PHACTR1: variants seen among roughly 807,000 people sequenced by gnomAD.
PHACTR1 encodes RPEL repeat containing 1.
Under a neutral mutation model 69.2 loss-of-function variants are expected in PHACTR1, and 16 were observed. The observed-to-expected ratio is 0.23, with a 90% CI of 0.16 to 0.35. The LOEUF (loss-of-function observed/expected upper bound fraction) is 0.35. Ranked by LOEUF, PHACTR1 falls within the 10% of genes least tolerant of loss-of-function variation. The pLI, the probability that PHACTR1 is intolerant of heterozygous loss-of-function variation, is 1.00. For synonymous variants in PHACTR1, 312 were observed against 284.5 expected (o/e 1.10, Z -0.97); for missense variants, 510 against 734.7 (o/e 0.69, Z 3.54).
intron 4 of PHACTR1, among the ~76,000 whole-genome samples, chr6:13,026,517 G>A (rs1453667131): frequency 1.3e-5 from 2 of 152,092 alleles, no homozygotes; most frequent in Admixed American, 6.6e-5. Context: ...AAAAACACAG[G>A]GAGTCTTGTG....
intron 10 of PHACTR1, among the ~76,000 whole-genome samples, chr6:13,234,909 A>T (rs1771756195): frequency 6.6e-6 from 1 of 152,184 alleles, no homozygotes; most frequent in South Asian, 2.1e-4. Context: ...GTGGTGAATG[A>T]TGCCATCCAC....
In PHACTR1 at chr6:13,275,969, C is replaced by G. The variant is rs1485346403; in HGVS notation, c.1448-2299C>G. The stretch of plus-strand genomic sequence containing the variant: ...GACTAGTTTAATAGGTTTTATCCCA[C>G]TGAAATTTGCATTTGTACAAATGTC... On this transcript the variant is annotated intron_variant, in intron 11 of 14. Transcript: ENST00000332995. This position sits in a 1 kb window ranked among gnomAD's most constrained non-coding sequence, Gnocchi z 4.0. 2 of 152,184 alleles carry G rather than the reference C, an allele frequency of 1.3e-5. No homozygotes were observed. Among genetic ancestry groups the G allele is most frequent in the Non-Finnish European group, 2.9e-5 (2 of 68,034 alleles). The allele number at this position is 152,184 out of a possible 1,614,324, so 9.4% of individuals were successfully genotyped here.
intron 7 of PHACTR1, among the ~76,000 whole-genome samples, chr6:13,202,606 T>A (rs979140067): frequency 6.6e-6 from 1 of 151,916 alleles, no homozygotes; most frequent in Non-Finnish European, 1.5e-5. Flanking sequence ...GCCTCCCAAG[T>A]AGCTGGGATT....
intron 4 of PHACTR1, among the ~76,000 whole-genome samples, chr6:12,959,302 G>A (rs1792380726): frequency 6.6e-6 from 1 of 151,476 alleles, no homozygotes; most frequent in Non-Finnish European, 1.5e-5. Flanking sequence ...TCTTAAATCT[G>A]TGGTTCTTAA....
At chr6:12,793,223 A>G (rs1468123605) in intron 4 of PHACTR1, among the ~76,000 whole-genome samples, 1 of 152,206 alleles carries the variant, frequency 6.6e-6, no homozygotes, top group Non-Finnish European at 1.5e-5. Flanking sequence ...TGTTTCCCTT[A>G]TGCGAGAGTT....
chr6:13,171,670 T>C (rs1028158564), intron 6 of PHACTR1, among the ~76,000 whole-genome samples: 1 of 152,218 alleles, frequency 6.6e-6, no homozygotes, highest in Admixed American at 6.5e-5. Flanking sequence ...CACCACTACA[T>C]GTGTCTAATG....
intron 4 of PHACTR1, among the ~76,000 whole-genome samples, chr6:12,944,787 AT>A (rs67157877): frequency 0.31 from 36,056 of 115,400 alleles, 4,787 homozygotes; most frequent in Admixed American, 0.39. Context: ...ATTTTTATTT[AT>A]TTTTTTTTTT....
intron 4 of PHACTR1, among the ~76,000 whole-genome samples, chr6:12,771,832 C>G (rs977855862): frequency 6.6e-6 from 1 of 152,126 alleles, no homozygotes; most frequent in Admixed American, 6.5e-5. Flanking sequence ...GCCACTACAA[C>G]TCTGGGGAGG....
intron 4 of PHACTR1, among the ~76,000 whole-genome samples, chr6:12,881,794 T>C (rs1783122597): frequency 6.6e-6 from 1 of 152,030 alleles, no homozygotes; most frequent in South Asian, 2.1e-4. Flanking sequence ...GACATACACT[T>C]GAATACGTGA....
At chr6:13,149,037 G>T (rs906806713) in intron 5 of PHACTR1, among the ~76,000 whole-genome samples, 1 of 152,248 alleles carries the variant, frequency 6.6e-6, no homozygotes, top group Admixed American at 6.5e-5. Context: ...TAGGGTTTTC[G>T]GTTGTGTTTG....
rs77187049 is a variant in PHACTR1 at position 12,910,681 on chromosome 6, C to T, written c.251-142684C>T. ...GTCCCCTTTTGTCAGTAATAGCCGC[C>T]GTCTACTGGATGCCCACTATGAGCA... On this transcript the variant is annotated intron_variant, in intron 4 of 14. Transcript: ENST00000332995. Among the ~76,000 whole-genome samples the T allele has an allele frequency of 2.4e-3, 362 of 152,252 alleles. 6 individuals are homozygous for T. In the South Asian group the frequency reaches 0.025, roughly 10 times the overall value.
At chr6:13,044,203 A>G (rs964111705) in intron 4 of PHACTR1, among the ~76,000 whole-genome samples, 5 of 152,314 alleles carry the variant, frequency 3.3e-5, no homozygotes, top group African/African-American at 9.6e-5. Context: ...TTCATGGAAT[A>G]GAAGTATCTT....
At chr6:13,224,645 CAGCAGGGCACAGGCCACGTGTCATAAG>C (rs148267818) in intron 8 of PHACTR1, among the ~76,000 whole-genome samples, 10,040 of 152,276 alleles carry the variant, frequency 0.066, 658 homozygotes, top group Admixed American at 0.22. Flanking sequence ...TGTCTGTCAG[CAGCAGGGCACAGGCCACGTGTCATAAG>C]ATGCTGCATT....
chr6:12,879,433 G>A (rs1482028540), intron 4 of PHACTR1, among the ~76,000 whole-genome samples: 1 of 152,096 alleles, frequency 6.6e-6, no homozygotes, highest in African/African-American at 2.4e-5. Flanking sequence ...GAGACCCCTT[G>A]GCTTTTTTTC....
At chr6:13,177,173 A>T (rs936472824) in intron 6 of PHACTR1, among the ~76,000 whole-genome samples, 16 of 19,178 alleles carry the variant, frequency 8.3e-4, no homozygotes, top group African/African-American at 2.1e-3. Flanking sequence ...CCCCATCTCT[A>T]AAAAAAAAAA....
chr6:12,798,039 G>GACACACACACACAT (rs1773256640), intron 4 of PHACTR1, among the ~76,000 whole-genome samples: 1 of 137,786 alleles, frequency 7.3e-6, no homozygotes, highest in African/African-American at 2.8e-5. Flanking sequence ...TCATTTCCTA[G>GACACACACACACAT]ACACACACAC....
intron 10 of PHACTR1, among the ~76,000 whole-genome samples, chr6:13,260,178 A>T (rs1775716909): frequency 6.6e-6 from 1 of 152,242 alleles, no homozygotes; most frequent in African/African-American, 2.4e-5. Flanking sequence ...GTTTTGGAGC[A>T]TTCATCGTCC....
chr6:12,718,442 T>C (rs1761668357), intron 2 of PHACTR1: 1 of 176,772 alleles, frequency 5.7e-6, no homozygotes, highest in Admixed American at 6.2e-5. Context: ...GAAAGGCTGG[T>C]ATGTTATCTC....
chr6:12,926,303 C>A (rs924376233), intron 4 of PHACTR1, among the ~76,000 whole-genome samples: 2 of 152,150 alleles, frequency 1.3e-5, no homozygotes, highest in Non-Finnish European at 2.9e-5. Context: ...TTCTCTCAGC[C>A]CTTTGTTTAC....
Sources: allele counts gnomAD v4.1 joint callset (sites outside exome capture counted in the v4.1 genomes callset), GRCh38; gene constraint gnomAD v4.1.1; non-coding constraint Gnocchi (gnomAD v3.1); transcripts MANE v1.5; gene names NCBI Gene and HGNC (gene_info 2026-07-23, HGNC 2026-07-21).